PGM5: variants seen among roughly 807,000 people sequenced by gnomAD.
PGM5 encodes phosphoglucomutase-like protein 5.
PGM5 carries 23 observed loss-of-function variants against 59.2 expected under a neutral mutation model. The ratio of observed to expected loss-of-function variants is 0.39; its 90% CI spans 0.28 to 0.55. The LOEUF is 0.55. Among genes scored for constraint, PGM5 ranks in the 20% least tolerant of loss-of-function variants. The pLI, the probability that PGM5 is intolerant of heterozygous loss-of-function variation, is 0.66. For synonymous variants in PGM5, 214 were observed against 286.0 expected, an observed-to-expected ratio of 0.75 and a Z score of 2.54; for missense variants, 574 against 748.3, an observed-to-expected ratio of 0.77 and a Z score of 2.72.
chr9:68,432,043 T>C (rs1268205605), intron 6 of PGM5, among the ~76,000 whole-genome samples: 1 of 152,154 alleles, frequency 6.6e-6, no homozygotes, highest in African/African-American at 2.4e-5. Context: ...TTATAATTCT[T>C]GTGGGGTTCT....
intron 6 of PGM5, among the ~76,000 whole-genome samples, chr9:68,393,244 G>A (rs1822411588): frequency 6.6e-6 from 1 of 151,614 alleles, no homozygotes; most frequent in South Asian, 2.1e-4. Flanking sequence ...CCTACCTTGG[G>A]TTACCTATGT....
intron 6 of PGM5, among the ~76,000 whole-genome samples, chr9:68,402,016 A>T (rs1320008787): frequency 1.3e-5 from 2 of 152,024 alleles, no homozygotes; most frequent in Admixed American, 6.6e-5. Flanking sequence ...TAATCCCAGC[A>T]CTTTGGGAGG....
At chr9:68,431,510 A>G (rs1488435438) in intron 6 of PGM5, among the ~76,000 whole-genome samples, 1 of 152,232 alleles carries the variant, frequency 6.6e-6, no homozygotes, top group Admixed American at 6.5e-5. Flanking sequence ...AAAGAACACC[A>G]GGATTTAATG....
chr9:68,470,808 C>G (rs1824007987), intron 7 of PGM5, among the ~76,000 whole-genome samples: 1 of 152,158 alleles, frequency 6.6e-6, no homozygotes, highest in Non-Finnish European at 1.5e-5. Flanking sequence ...ATTATCAGTG[C>G]TAGATGAGCA....
Position 68,530,156 on chromosome 9 carries a change from C to T in PGM5, c.*500C>T, listed in dbSNP as rs1564030667. On this transcript the variant is annotated 3_prime_UTR_variant, in exon 11 of 11. Transcript: ENST00000396396. ...TGGGGGAAGGTTTTATTATAGAACT[C>T]CCAACAGCCCACCTCACTCCTGCCA... 1 of 152,902 alleles carries T rather than the reference C, an allele frequency of 6.5e-6. No individual in the cohort carries two copies. Among genetic ancestry groups the T allele is most frequent in the Non-Finnish European group, 1.5e-5 (1 of 68,558 alleles). The allele number at this position is 152,902 out of a possible 1,614,324, so 9.5% of individuals were successfully genotyped here.
intron 6 of PGM5, among the ~76,000 whole-genome samples, chr9:68,413,785 C>G (rs1448374699): frequency 3.3e-5 from 5 of 152,200 alleles, no homozygotes; most frequent in African/African-American, 1.2e-4. Flanking sequence ...AGGAACTCAT[C>G]TCTTAACAAA....
chr9:68,434,316 C>CAAAAAA (rs71353054), intron 6 of PGM5, among the ~76,000 whole-genome samples: 470 of 90,044 alleles, frequency 5.2e-3, no homozygotes, highest in Middle Eastern at 8.3e-3. Context: ...GACTCCGTCT[C>CAAAAAA]AAAAAAAAAA....
intron 1 of PGM5, among the ~76,000 whole-genome samples, chr9:68,362,711 G>A (rs2989659): frequency 2.6e-5 from 4 of 151,862 alleles, no homozygotes; most frequent in Non-Finnish European, 5.9e-5. Context: ...AATGACTACA[G>A]GAATGCCTTT....
intron 3 of PGM5, among the ~76,000 whole-genome samples, chr9:68,387,173 C>T (rs1822243310): frequency 2.0e-5 from 3 of 151,946 alleles, no homozygotes; most frequent in Admixed American, 6.6e-5. Context: ...TAACAGGGCA[C>T]ATTTTTATCT....
chr9:68,394,768 G>A lies in PGM5; in HGVS notation c.1043+2295G>A, dbSNP rs1338090933. Among the ~76,000 whole-genome samples, 71 of 151,676 alleles carry A rather than the reference G, an allele frequency of 4.7e-4. 2 individuals are homozygous for A. The highest frequency in any genetic ancestry group is 1.3e-3 in the African/African-American group (53 of 41,348). Reference sequence around the variant, plus strand: ...CCTGAGTAGCTAGGACTACACATGCGCCATCATACCCAGTTAATTTTAAAA... The same window carrying A: ...CCTGAGTAGCTAGGACTACACATGCACCATCATACCCAGTTAATTTTAAAA... On this transcript the variant is annotated intron_variant, in intron 6 of 10. Transcript: ENST00000396396.
intron 7 of PGM5, among the ~76,000 whole-genome samples, chr9:68,477,134 A>G (rs570526096): frequency 3.3e-5 from 5 of 152,190 alleles, no homozygotes; most frequent in Non-Finnish European, 5.9e-5. Context: ...AATTCACTGG[A>G]TAAGACTAAA....
rs1823912299 is a variant in PGM5, at chr9:68,465,107, T to A, written c.1058T>A (p.Met353Lys). ...TCATTTTTCAGAGTGGCCAAATCAATGAAGGTCCCTGTATATGAGACCCCA... is the reference window on the plus strand; with the variant it reads ...TCATTTTTCAGAGTGGCCAAATCAAAGAAGGTCCCTGTATATGAGACCCCA... The part of the protein sequence containing the change: ...SMALDRVAKS[M>K]KVPVYETPAG... The change falls in exon 7 of 11, where the codon ATG becomes AAG. Residue 353 changes from methionine (M) to lysine (K), a missense_variant. Physicochemically the swap from Met to Lys is moderately conservative, Grantham distance 95. Around this residue, in one of 7 missense-constraint regions of PGM5, gnomAD observed 300 missense variants for 280.0 expected, o/e 1.07. Coordinates refer to ENST00000396396, the MANE Select transcript of PGM5 (RefSeq NM_021965.4). 1.2e-6 allele frequency: 2 copies of A among 1,605,030 alleles called. No homozygotes were observed. The highest frequency in any genetic ancestry group is 2.2e-5 in the East Asian group (1 of 44,844).
chr9:68,459,635 C>T (rs1223012651), intron 6 of PGM5, among the ~76,000 whole-genome samples: 2 of 152,148 alleles, frequency 1.3e-5, no homozygotes, highest in Non-Finnish European at 2.9e-5. Flanking sequence ...TTCAACAGTA[C>T]ATTAGGGCTC....
At chr9:68,426,425 T>C (rs1554682699) in intron 6 of PGM5, among the ~76,000 whole-genome samples, 1 of 152,188 alleles carries the variant, frequency 6.6e-6, no homozygotes, top group African/African-American at 2.4e-5. Context: ...TATGTATATA[T>C]GGTTTCAATC....
At chr9:68,422,643 A>T (rs1395949872) in intron 6 of PGM5, among the ~76,000 whole-genome samples, 1 of 152,132 alleles carries the variant, frequency 6.6e-6, no homozygotes, top group African/African-American at 2.4e-5. Context: ...CATATTGTTG[A>T]TGAGGTAATT....
At chr9:68,438,506 G>C (rs782140023) in intron 6 of PGM5, among the ~76,000 whole-genome samples, 1 of 152,024 alleles carries the variant, frequency 6.6e-6, no homozygotes, top group Non-Finnish European at 1.5e-5. Context: ...TGTTGAAAAA[G>C]CTTCCCATTT....
chr9:68,433,303 A>G (rs1408248570), intron 6 of PGM5, among the ~76,000 whole-genome samples: 1 of 152,200 alleles, frequency 6.6e-6, no homozygotes, highest in Non-Finnish European at 1.5e-5. Flanking sequence ...ACAGAAGATG[A>G]CCTCTGTGTT....
intron 6 of PGM5, among the ~76,000 whole-genome samples, chr9:68,403,228 A>G (rs1370892071): frequency 6.6e-6 from 1 of 152,136 alleles, no homozygotes; most frequent in Non-Finnish European, 1.5e-5. Flanking sequence ...TCTAGGTTGC[A>G]TGCTCCTTGC....
intron 7 of PGM5, among the ~76,000 whole-genome samples, chr9:68,472,320 C>A (rs1304335184): frequency 6.6e-6 from 1 of 152,170 alleles, no homozygotes; most frequent in Non-Finnish European, 1.5e-5. Flanking sequence ...GTTTTCAGTT[C>A]ATGCTGATGA....
Sources: gnomAD v4.1 joint callset for allele counts (sites outside exome capture counted in the v4.1 genomes callset) on GRCh38, gnomAD v4.1.1 for gene constraint, gnomAD v4.1.1 regional missense constraint, MANE v1.5 for transcripts, NCBI Gene and HGNC (gene_info 2026-07-23, HGNC 2026-07-21) for gene names.